Variants in LINGO2 observed in about 807,000 individuals in gnomAD.
LINGO2 encodes the protein leucine rich repeat and Ig domain containing 2.
Under a neutral mutation model 30.6 loss-of-function variants are expected in LINGO2, and 14 were observed. That is an observed-to-expected ratio of 0.46 (90% CI 0.30 to 0.72). The LOEUF (loss-of-function observed/expected upper bound fraction) is 0.72. Ranked by LOEUF, LINGO2 falls within the 30% of genes least tolerant of loss-of-function variation. The probability of loss-of-function intolerance (pLI) is 0.07; values close to 1 mark genes in which losing one functional copy is unlikely to be tolerated. For missense variants in LINGO2, 729 were observed against 751.7 expected (o/e 0.97, Z 0.35); for synonymous variants, 317 against 288.5 (o/e 1.10, Z -1.00).
At chr9:28,699,823 G>A in the LINGO2 span, among the ~76,000 whole-genome samples, 2 of 151,886 alleles carry the variant, frequency 1.3e-5, no homozygotes, top group African/African-American at 2.4e-5. Flanking sequence ...ACTGAGATAA[G>A]CCCTGGTCTC....
At chr9:28,211,179 A>G (rs747401783) in intron 4 of LINGO2, among the ~76,000 whole-genome samples, 6 of 151,594 alleles carry the variant, frequency 4.0e-5, no homozygotes, top group Non-Finnish European at 8.9e-5. Flanking sequence ...ACAAATATAC[A>G]CTACTTGTGC....
intron 1 of LINGO2, among the ~76,000 whole-genome samples, chr9:28,546,075 G>A (rs559055701): frequency 6.6e-6 from 1 of 152,056 alleles, no homozygotes; most frequent in African/African-American, 2.4e-5. Context: ...CTTATATGTG[G>A]ACTCTAAAGA....
chr9:28,224,538 T>G (rs1040945005), intron 4 of LINGO2, among the ~76,000 whole-genome samples: 25 of 152,304 alleles, frequency 1.6e-4, no homozygotes, highest in African/African-American at 6.0e-4. Context: ...TACAGCTGTT[T>G]CGAATAGCTG....
the LINGO2 span, among the ~76,000 whole-genome samples, chr9:28,676,076 C>T: frequency 2.7e-5 from 4 of 150,576 alleles, no homozygotes; most frequent in Middle Eastern, 0.01. Context: ...GACATTTCCT[C>T]GGAACTTATA....
intron 1 of LINGO2, among the ~76,000 whole-genome samples, chr9:28,602,657 T>C (rs935400899): frequency 6.6e-6 from 1 of 152,138 alleles, no homozygotes; most frequent in Admixed American, 6.6e-5. Flanking sequence ...TTATGTATTT[T>C]TTTATTCTAA....
At chr9:28,986,916 C>A in the LINGO2 span, among the ~76,000 whole-genome samples, 9 of 151,744 alleles carry the variant, frequency 5.9e-5, no homozygotes, top group Non-Finnish European at 1.3e-4. Context: ...TGGAGAACAT[C>A]TGTGTATTTT....
intron 2 of LINGO2, among the ~76,000 whole-genome samples, chr9:28,414,027 G>T (rs1283753399): frequency 6.6e-6 from 1 of 151,894 alleles, no homozygotes; most frequent in Admixed American, 6.6e-5. Context: ...ACATATATTT[G>T]CACTGAATCA....
chr9:28,511,353 T>C (rs970083731), intron 1 of LINGO2, among the ~76,000 whole-genome samples: 12 of 152,182 alleles, frequency 7.9e-5, no homozygotes, highest in African/African-American at 2.9e-4. Context: ...TGGTGCCATA[T>C]TGAGGGCTCA....
rs183965864 is a variant in LINGO2 at position 28,326,163 on chromosome 9, T to C, written c.-245-30797A>G. ...CTGGAATCACAGTCACCTGCTACCA[T>C]ATGTGACTAATTTTTGTATTTTTAG... On this transcript the variant is annotated intron_variant, in intron 3 of 5. Coordinates refer to ENST00000379992, the Ensembl canonical transcript of LINGO2. Among the ~76,000 whole-genome samples, 24 of 152,234 alleles carry C rather than the reference T, an allele frequency of 1.6e-4. 1 individual carries two copies. The highest frequency in any genetic ancestry group is 1.4e-3 in the Admixed American group (22 of 15,286).
chr9:28,920,261 T>G, the LINGO2 span, among the ~76,000 whole-genome samples: 1 of 151,924 alleles, frequency 6.6e-6, no homozygotes, highest in Non-Finnish European at 1.5e-5. Flanking sequence ...TAATTTGATT[T>G]CATAATACAG....
chr9:28,200,932 A>T (rs1474967021), intron 4 of LINGO2, among the ~76,000 whole-genome samples: 1 of 152,126 alleles, frequency 6.6e-6, no homozygotes, highest in African/African-American at 2.4e-5. Flanking sequence ...CAATAAATCA[A>T]TAAATCACCG....
chr9:28,271,751 G>A (rs1051633288), intron 4 of LINGO2, among the ~76,000 whole-genome samples: 1 of 152,140 alleles, frequency 6.6e-6, no homozygotes, highest in Admixed American at 6.6e-5. Context: ...TTAAGTATTT[G>A]AGGGAATTAG....
chr9:27,974,409 T>C (rs546589586), intron 5 of LINGO2, among the ~76,000 whole-genome samples: 52 of 152,102 alleles, frequency 3.4e-4, no homozygotes, highest in Non-Finnish European at 6.0e-4. Context: ...TACACAGTGT[T>C]GGTGTAGTTT....
chr9:27,952,313 T>G (rs995952252), intron 5 of LINGO2, among the ~76,000 whole-genome samples: 3 of 151,956 alleles, frequency 2.0e-5, no homozygotes, highest in Non-Finnish European at 4.4e-5. Context: ...ATGACAACTA[T>G]TAAACCCTAT....
the LINGO2 span, among the ~76,000 whole-genome samples, chr9:29,064,580 A>C: frequency 3.3e-5 from 5 of 152,112 alleles, no homozygotes; most frequent in African/African-American, 1.2e-4. Flanking sequence ...AACCTCTTTT[A>C]CATATGTTTC....
chr9:28,872,094 A>G, the LINGO2 span, among the ~76,000 whole-genome samples: 1 of 152,040 alleles, frequency 6.6e-6, no homozygotes, highest in Admixed American at 6.6e-5. Flanking sequence ...CTTTACTCAT[A>G]AAATCACAGA....
chr9:28,712,346 C>T, the LINGO2 span, among the ~76,000 whole-genome samples: 21 of 151,954 alleles, frequency 1.4e-4, no homozygotes, highest in Non-Finnish European at 1.9e-4. Flanking sequence ...ACAGCATATG[C>T]TGAAGTTTCA....
intron 5 of LINGO2, among the ~76,000 whole-genome samples, chr9:27,994,242 T>A (rs1372413045): frequency 6.6e-6 from 1 of 151,136 alleles, no homozygotes; most frequent in Non-Finnish European, 1.5e-5. Flanking sequence ...CTCAAAGAAC[T>A]AGAAAAGTGA....
At chr9:28,592,540 T>C (rs566951672) in intron 1 of LINGO2, among the ~76,000 whole-genome samples, 18 of 152,220 alleles carry the variant, frequency 1.2e-4, no homozygotes, top group African/African-American at 4.3e-4. Flanking sequence ...TATTTTCTTA[T>C]GTTGAAGCAC....
Sources: allele counts gnomAD v4.1 joint callset (sites outside exome capture counted in the v4.1 genomes callset), GRCh38; gene constraint gnomAD v4.1.1; transcripts MANE v1.5; gene names NCBI Gene and HGNC (gene_info 2026-07-23, HGNC 2026-07-21).